PRKAR2B: variants seen among roughly 807,000 people sequenced by gnomAD.
PRKAR2B encodes cAMP-dependent protein kinase type II-beta regulatory subunit.
A neutral mutation model predicts 49.9 loss-of-function variants in PRKAR2B; 14 were observed. The observed-to-expected ratio is 0.28, with a 90% confidence interval of 0.19 to 0.44. PRKAR2B has a LOEUF of 0.44. Ranked by LOEUF, PRKAR2B falls within the 20% of genes least tolerant of loss-of-function variation. PRKAR2B has a pLI of 1.00. For synonymous variants in PRKAR2B, 196 were observed against 197.7 expected (o/e 0.99, Z 0.07); for missense variants, 393 against 537.9 (o/e 0.73, Z 2.67).
At chr7:107,046,130 C>T (rs1024190408) in intron 1 of PRKAR2B, among the ~76,000 whole-genome samples, 1 of 152,186 alleles carries the variant, frequency 6.6e-6, no homozygotes, top group Non-Finnish European at 1.5e-5. Context: ...CTGCTTACAA[C>T]CCTCTTTCCC....
intron 2 of PRKAR2B, among the ~76,000 whole-genome samples, chr7:107,115,206 G>A (rs1395503965): frequency 6.6e-6 from 1 of 152,088 alleles, no homozygotes; most frequent in Admixed American, 6.6e-5. Context: ...TAACCTTGGG[G>A]AGAGGCAGAA....
chr7:107,063,059 G>T (rs1037539388), intron 1 of PRKAR2B, among the ~76,000 whole-genome samples: 2 of 151,976 alleles, frequency 1.3e-5, no homozygotes. Flanking sequence ...ACTGGAGTGC[G>T]GTGGTACGAT....
At chr7:107,156,666 C>T (rs1167598585) in intron 8 of PRKAR2B, among the ~76,000 whole-genome samples, 1 of 151,948 alleles carries the variant, frequency 6.6e-6, no homozygotes, top group African/African-American at 2.4e-5. Context: ...ATTAGCCGGG[C>T]GTGGTGGCAG....
In PRKAR2B at chr7:107,075,900, A is replaced by G. The variant is rs1382529886; in HGVS notation, c.343+5584A>G. ...TGTTTATACATTATAGGTTTTCTAAAAAATTGTAATGGTTTTCCTCTGTGG... is the reference window on the plus strand; with the variant it reads ...TGTTTATACATTATAGGTTTTCTAAGAAATTGTAATGGTTTTCCTCTGTGG... On this transcript the variant is annotated intron_variant, in intron 2 of 10. Transcript: ENST00000265717. 2.0e-5 allele frequency among the ~76,000 whole-genome samples: 3 copies of G among 152,160 alleles called. No individual in the cohort carries two copies. The East Asian group carries it at 5.8e-4, about 29-fold the overall frequency.
At chr7:107,100,108 C>T (rs913975692) in intron 2 of PRKAR2B, among the ~76,000 whole-genome samples, 1 of 151,778 alleles carries the variant, frequency 6.6e-6, no homozygotes, top group Admixed American at 6.6e-5. Context: ...TTATTTCTTC[C>T]TGTAGATTTG....
intron 1 of PRKAR2B, among the ~76,000 whole-genome samples, chr7:107,065,377 T>TGTGTGTGTGTGTGTGTGTG (rs1794119144): frequency 7.2e-6 from 1 of 138,012 alleles, no homozygotes. Context: ...TGTGTGTGTG[T>TGTGTGTGTGTGTGTGTGTG]TTATGACTGC....
intron 2 of PRKAR2B, among the ~76,000 whole-genome samples, chr7:107,104,789 T>A (rs997237117): frequency 6.6e-6 from 1 of 152,096 alleles, no homozygotes; most frequent in Admixed American, 6.5e-5. Flanking sequence ...TGGGTGCAAA[T>A]GTGTGCTAAA....
At chr7:107,093,195 T>C (rs58273634) in intron 2 of PRKAR2B, among the ~76,000 whole-genome samples, 9,248 of 152,284 alleles carry the variant, frequency 0.061, 907 homozygotes, top group African/African-American at 0.21. Flanking sequence ...CGTACAGATA[T>C]CTGTTTGTGT....
At position 107,154,372 on chromosome 7, in the gene PRKAR2B, GT is replaced by G. The variant is rs556157994; in HGVS notation, c.918+1125del. ...TGGCATAATTCACAGACCATATTCA[GT>G]TTTCACCAGTTTTACATACACTTAG... On this transcript the variant is annotated intron_variant, in intron 8 of 10. Coordinates refer to ENST00000265717, the MANE Select transcript of PRKAR2B (RefSeq NM_002736.3). 3.3e-5 allele frequency among the ~76,000 whole-genome samples: 5 copies of G among 152,142 alleles called. No individual in the cohort carries two copies. In the South Asian group the frequency reaches 1.0e-3, roughly 32 times the overall value.
chr7:107,091,489 G>A (rs6466156), intron 2 of PRKAR2B, among the ~76,000 whole-genome samples: 96,061 of 151,880 alleles, frequency 0.63, 30,590 homozygotes, highest in Non-Finnish European at 0.66. Flanking sequence ...AAGGAGCTGC[G>A]TGCACATTCC....
Position 107,045,170 on chromosome 7 carries a change from GGGA to G in PRKAR2B, c.275_277del (p.Glu92del), listed in dbSNP as rs752208727. ...CCCATGCAGTCCGACTCCGAGGACG[GGGA>G]GGAGGAGGAGGCGGCGCCCGCGGAC... On this transcript the variant is annotated inframe_deletion, in exon 1 of 11. Transcript: ENST00000265717. 21 of 1,475,210 alleles carry G rather than the reference GGGA, an allele frequency of 1.4e-5. No individual in the cohort carries two copies. The highest frequency in any genetic ancestry group is 2.5e-4 in the Middle Eastern group (1 of 4,080). The allele number at this position is 1,475,210 out of a possible 1,614,324, so 91.4% of individuals were successfully genotyped here. A position where few individuals can be genotyped will look rare whatever the true frequency, so the allele number is the denominator to read the frequency against.
intron 1 of PRKAR2B, among the ~76,000 whole-genome samples, chr7:107,063,250 G>A (rs1389247665): frequency 6.6e-6 from 1 of 152,144 alleles, no homozygotes; most frequent in Non-Finnish European, 1.5e-5. Flanking sequence ...GCCCACCTGG[G>A]CCTCCCAAAG....
intron 1 of PRKAR2B, among the ~76,000 whole-genome samples, chr7:107,055,875 C>A (rs1793901990): frequency 6.6e-6 from 1 of 152,180 alleles, no homozygotes; most frequent in Non-Finnish European, 1.5e-5. Flanking sequence ...GTGTTTTAGA[C>A]ATGAAGTCCT....
At chr7:107,129,037 G>T (rs895773166) in intron 4 of PRKAR2B, 2 of 151,992 alleles carry the variant, frequency 1.3e-5, no homozygotes, top group Non-Finnish European at 2.9e-5. Flanking sequence ...AACTTACCTC[G>T]ACTTTTTTAT....
intron 3 of PRKAR2B, among the ~76,000 whole-genome samples, chr7:107,123,707 G>A (rs1010155463): frequency 3.9e-5 from 6 of 152,164 alleles, no homozygotes; most frequent in African/African-American, 1.4e-4. Context: ...ACCTACTTGG[G>A]AACCACTTCT....
At chr7:107,135,548 A>G (rs1795682768) in intron 4 of PRKAR2B, among the ~76,000 whole-genome samples, 1 of 152,206 alleles carries the variant, frequency 6.6e-6, no homozygotes, top group South Asian at 2.1e-4. Flanking sequence ...GTTAATATAC[A>G]AAAGTTAATC....
chr7:107,052,822 ATTTG>A (rs1793833379), intron 1 of PRKAR2B, among the ~76,000 whole-genome samples: 1 of 152,096 alleles, frequency 6.6e-6, no homozygotes, highest in African/African-American at 2.4e-5. Flanking sequence ...AACTCAGTAC[ATTTG>A]TTTATTTTAT....
chr7:107,045,545 G>A (rs186043196), intron 1 of PRKAR2B, among the ~76,000 whole-genome samples: 1 of 152,318 alleles, frequency 6.6e-6, no homozygotes, highest in Non-Finnish European at 1.5e-5. Flanking sequence ...TGTGGTTGGA[G>A]GTATTTCGCT....
chr7:107,072,185 C>A (rs547385170), intron 2 of PRKAR2B, among the ~76,000 whole-genome samples: 22 of 151,488 alleles, frequency 1.5e-4, no homozygotes, highest in African/African-American at 5.3e-4. Context: ...CATTTATTCC[C>A]AGAATGACAG....
Sources: gnomAD v4.1 joint callset for allele counts (sites outside exome capture counted in the v4.1 genomes callset) on GRCh38, gnomAD v4.1.1 for gene constraint, MANE v1.5 for transcripts, NCBI Gene and HGNC (gene_info 2026-07-23, HGNC 2026-07-21) for gene names.